MAML2: variants seen among roughly 807,000 people sequenced by gnomAD.
The protein encoded by MAML2 is mastermind-like protein 2.
In MAML2, 22 loss-of-function variants were observed where a neutral mutation model predicts 96.1. The observed-to-expected ratio is 0.23, with a 90% CI of 0.16 to 0.33. The LOEUF (loss-of-function observed/expected upper bound fraction) is 0.33. MAML2 is among the 10% of genes least tolerant of loss of function. MAML2 has a pLI of 1.00. For missense variants in MAML2, 1,367 were observed against 1,392.4 expected (o/e 0.98, Z 0.29); for synonymous variants, 561 against 521.3 (o/e 1.08, Z -1.04).
intron 1 of MAML2, among the ~76,000 whole-genome samples, chr11:96,308,710 A>G (rs1863499141): frequency 6.6e-6 from 1 of 152,210 alleles, no homozygotes; most frequent in African/African-American, 2.4e-5. Context: ...ATTTAAAGAA[A>G]CTTGTGCTTT....
At chr11:96,173,712 G>A (rs986051380) in intron 1 of MAML2, among the ~76,000 whole-genome samples, 3 of 152,190 alleles carry the variant, frequency 2.0e-5, no homozygotes, top group African/African-American at 4.8e-5. Context: ...GAGGCCACAG[G>A]GGCGTCGAGA....
chr11:96,190,576 G>A (rs1240844851), intron 1 of MAML2, among the ~76,000 whole-genome samples: 1 of 152,190 alleles, frequency 6.6e-6, no homozygotes, highest in Non-Finnish European at 1.5e-5. Flanking sequence ...ATGAACGCAT[G>A]CAGAATAAAT....
rs146147312 is a variant in MAML2, at chr11:96,326,724, A to G, written c.513+14659T>C. Reference sequence around the variant, plus strand: ...CTGAGGCAGTGAGCCGAGATCGCACAATTGCACTCCAGCCGGGCAACAAGA... The same window carrying G: ...CTGAGGCAGTGAGCCGAGATCGCACGATTGCACTCCAGCCGGGCAACAAGA... On this transcript the variant is annotated intron_variant, in intron 1 of 4. Transcript: ENST00000524717. Among the ~76,000 whole-genome samples the G allele has an allele frequency of 3.4e-4, 52 of 152,104 alleles. 1 individual carries two copies. The East Asian group carries it at 0.01, about 29-fold the overall frequency.
intron 2 of MAML2, among the ~76,000 whole-genome samples, chr11:96,046,030 C>T (rs528124648): frequency 7.2e-5 from 11 of 151,784 alleles, no homozygotes; most frequent in African/African-American, 2.4e-4. Context: ...AAGAAGTGAA[C>T]GATTTCTTTC....
chr11:96,077,802 T>C (rs1565207223), intron 2 of MAML2, among the ~76,000 whole-genome samples: 2 of 152,188 alleles, frequency 1.3e-5, no homozygotes, highest in African/African-American at 4.8e-5. Context: ...CTGGTGCTCT[T>C]TTTATAGGCT....
intron 1 of MAML2, among the ~76,000 whole-genome samples, chr11:96,335,045 G>T (rs553873961): frequency 6.6e-6 from 1 of 152,342 alleles, no homozygotes; most frequent in East Asian, 1.9e-4. Context: ...CAGCATCCAA[G>T]CATCATGCCA....
chr11:96,006,872 TACACACACAC>T lies in MAML2; in HGVS notation c.2140-15159_2140-15150del, dbSNP rs57492080. 1.7e-3 allele frequency among the ~76,000 whole-genome samples: 217 copies of T among 124,048 alleles called. 1 individual carries two copies. Among genetic ancestry groups the T allele is most frequent in the South Asian group, 0.015 (60 of 3,958 alleles). 81.4% of individuals were successfully genotyped at this position (124,048 alleles called of 152,430 possible). ...ACCACGCCTGGCCAGGAATATCTTA[TACACACACAC>T]ACACACACACACACACACACACACA... On this transcript the variant is annotated intron_variant, in intron 2 of 4. Coordinates refer to ENST00000524717, the MANE Select transcript of MAML2 (RefSeq NM_032427.4).
intron 2 of MAML2, among the ~76,000 whole-genome samples, chr11:96,007,989 C>T (rs1858211706): frequency 6.8e-6 from 1 of 146,454 alleles, no homozygotes; most frequent in African/African-American, 2.6e-5. Flanking sequence ...AACTAACCTG[C>T]ACAATGTGCA....
At chr11:96,054,021 T>C (rs1280938861) in intron 2 of MAML2, among the ~76,000 whole-genome samples, 1 of 152,030 alleles carries the variant, frequency 6.6e-6, no homozygotes, top group African/African-American at 2.4e-5. Context: ...TATATTCCAT[T>C]GGGAGAAAAA....
chr11:96,035,004 C>T lies in MAML2; in HGVS notation c.2140-43281G>A, dbSNP rs115267416. On this transcript the variant is annotated intron_variant, in intron 2 of 4. Coordinates refer to ENST00000524717, the MANE Select transcript of MAML2 (RefSeq NM_032427.4). Reference sequence around the variant, plus strand: ...GTCTGCTTTCTGAATTATTTGAACCCGTCCTCATAGGCAAAGGTCCTGGAA... The same window carrying T: ...GTCTGCTTTCTGAATTATTTGAACCTGTCCTCATAGGCAAAGGTCCTGGAA... Among the ~76,000 whole-genome samples, 1,101 of 152,206 alleles carry T rather than the reference C, an allele frequency of 7.2e-3. 12 individuals are homozygous for T. Among genetic ancestry groups the T allele is most frequent in the African/African-American group, 0.025 (1,057 of 41,504 alleles).
chr11:96,077,421 A>G (rs955772142), intron 2 of MAML2, among the ~76,000 whole-genome samples: 1 of 151,734 alleles, frequency 6.6e-6, no homozygotes, highest in Non-Finnish European at 1.5e-5. Flanking sequence ...GGGTTTCACT[A>G]TGTTGGCCAG....
chr11:96,269,631 C>T (rs1862885105), intron 1 of MAML2, among the ~76,000 whole-genome samples: 1 of 144,228 alleles, frequency 6.9e-6, no homozygotes, highest in Non-Finnish European at 1.5e-5. Context: ...ATGCCTCAGC[C>T]TCCTGAGTAG....
chr11:96,222,305 C>T (rs1201323414), intron 1 of MAML2, among the ~76,000 whole-genome samples: 5 of 152,180 alleles, frequency 3.3e-5, no homozygotes, highest in Non-Finnish European at 7.3e-5. Context: ...TGGAATGTGG[C>T]GCTCAGCACT....
At chr11:96,193,097 G>A (rs1169831459) in intron 1 of MAML2, among the ~76,000 whole-genome samples, 1 of 152,166 alleles carries the variant, frequency 6.6e-6, no homozygotes, top group African/African-American at 2.4e-5. Flanking sequence ...GGCCGGGTGC[G>A]GTGGCTCAGG....
intron 1 of MAML2, among the ~76,000 whole-genome samples, chr11:96,216,942 G>A (rs1862058726): frequency 6.6e-6 from 1 of 152,150 alleles, no homozygotes; most frequent in Non-Finnish European, 1.5e-5. Flanking sequence ...GGCAGGAGGA[G>A]GTGCACAAGC....
At chr11:96,086,188 T>C (rs1017592491) in intron 2 of MAML2, among the ~76,000 whole-genome samples, 5 of 152,218 alleles carry the variant, frequency 3.3e-5, no homozygotes, top group African/African-American at 4.8e-5. Flanking sequence ...TTTGAGATTA[T>C]ATGAGTATGA....
intron 1 of MAML2, among the ~76,000 whole-genome samples, chr11:96,237,126 A>T (rs1862376446): frequency 6.6e-6 from 1 of 152,212 alleles, no homozygotes; most frequent in Non-Finnish European, 1.5e-5. Context: ...TAAGCTGATT[A>T]TTGTAGCTAT....
At chr11:96,255,192 C>T (rs1342490724) in intron 1 of MAML2, among the ~76,000 whole-genome samples, 2 of 152,210 alleles carry the variant, frequency 1.3e-5, no homozygotes, top group African/African-American at 4.8e-5. Flanking sequence ...TCCTTTAATA[C>T]CTTCTCACTG....
Position 96,341,287 on chromosome 11 carries a change from T to G in MAML2, c.513+96A>C, listed in dbSNP as rs531769026. ...TAGTCAGGTGACATCTTGGCCTTTTTCATTGCCATCCACTCTACCTTAGGC... is the reference window on the plus strand; with the variant it reads ...TAGTCAGGTGACATCTTGGCCTTTTGCATTGCCATCCACTCTACCTTAGGC... On this transcript the variant is annotated intron_variant, in intron 1 of 4. Transcript: ENST00000524717. 5.8e-6 allele frequency: 8 copies of G among 1,382,264 alleles called. No homozygotes were observed. The South Asian group carries it at 1.1e-4, about 18-fold the overall frequency. 85.6% of individuals were successfully genotyped at this position (1,382,264 alleles called of 1,614,324 possible). A position where few individuals can be genotyped will look rare whatever the true frequency, so the allele number is the denominator to read the frequency against.
Sources: allele counts gnomAD v4.1 joint callset (sites outside exome capture counted in the v4.1 genomes callset), GRCh38; gene constraint gnomAD v4.1.1; transcripts MANE v1.5; gene names NCBI Gene and HGNC (gene_info 2026-07-23, HGNC 2026-07-21).